The following PCTP variants were observed in gnomAD, a reference collection of about 807,000 sequenced individuals.
The protein encoded by PCTP is START domain-containing protein 2.
PCTP carries 27 observed loss-of-function variants against 31.0 expected under a neutral mutation model. That is an observed-to-expected ratio of 0.87 (90% CI 0.64 to 1.20). PCTP has a LOEUF of 1.20. PCTP is among the 50% of genes most tolerant of loss of function. The pLI, the probability that PCTP is intolerant of heterozygous loss-of-function variation, is 0.00. For missense variants in PCTP, 287 were observed against 268.2 expected, an observed-to-expected ratio of 1.07 and a Z score of -0.49; for synonymous variants, 108 against 101.2, an observed-to-expected ratio of 1.07 and a Z score of -0.40.
chr17:55,767,033 T>G (rs924737048), intron 1 of PCTP, among the ~76,000 whole-genome samples: 1 of 152,256 alleles, frequency 6.6e-6, no homozygotes, highest in African/African-American at 2.4e-5. Context: ...CATTTTTTCA[T>G]GTGTTTTTTG....
At chr17:55,842,742 C>T (rs1394258084) in exon 6 of PCTP, 5 of 152,218 alleles carry the variant, frequency 3.3e-5, no homozygotes, top group Non-Finnish European at 7.3e-5. Context: ...TCAAAATACT[C>T]TTCAGTGGCT....
chr17:55,781,179 C>T (rs2144986380), downstream of PCTP, among the ~76,000 whole-genome samples: 1 of 152,364 alleles, frequency 6.6e-6, no homozygotes, highest in Middle Eastern at 3.4e-3. Context: ...AAATTTCTGA[C>T]TTGTTCCAGT....
intron 3 of PCTP, among the ~76,000 whole-genome samples, chr17:55,807,301 A>C (rs940342735): frequency 6.6e-6 from 1 of 152,186 alleles, no homozygotes; most frequent in African/African-American, 2.4e-5. Flanking sequence ...AAGTGTTTAT[A>C]AAACTAAACA....
At chr17:55,759,951 A>G (rs1910250584) in intron 1 of PCTP, among the ~76,000 whole-genome samples, 1 of 152,242 alleles carries the variant, frequency 6.6e-6, no homozygotes, top group Non-Finnish European at 1.5e-5. Context: ...AATATTTCTC[A>G]GAATACTTTA....
intron 3 of PCTP, among the ~76,000 whole-genome samples, chr17:55,803,190 C>G (rs1235084402): frequency 6.6e-6 from 1 of 152,122 alleles, no homozygotes; most frequent in African/African-American, 2.4e-5. Flanking sequence ...CTACAAACCA[C>G]TGCTCAAGGA....
intron 5 of PCTP, among the ~76,000 whole-genome samples, chr17:55,835,851 T>C (rs918810716): frequency 2.0e-5 from 3 of 152,182 alleles, no homozygotes; most frequent in Admixed American, 6.5e-5. Context: ...TCTGCCTATT[T>C]ACCAGTAATG....
At chr17:55,778,123 C>T (rs974456296), downstream of PCTP, among the ~76,000 whole-genome samples, 9 of 150,400 alleles carry the variant, frequency 6.0e-5, no homozygotes, top group African/African-American at 2.2e-4. Flanking sequence ...AGCATTTTTA[C>T]TTGCTAATTT....
intron 1 of PCTP, among the ~76,000 whole-genome samples, chr17:55,757,359 A>G (rs1910090829): frequency 6.6e-6 from 1 of 151,440 alleles, no homozygotes; most frequent in African/African-American, 2.4e-5. Flanking sequence ...GAAGTTTGAG[A>G]ACCATTCTGC....
chr17:55,771,743 C>T (rs1028236641), intron 3 of PCTP, among the ~76,000 whole-genome samples: 3 of 152,058 alleles, frequency 2.0e-5, no homozygotes, highest in Non-Finnish European at 4.4e-5. Context: ...TGAAATGAAG[C>T]AGTTGAATGA....
rs1911971373 is a variant in PCTP, at chr17:55,791,405, A to G, written c.317+3751A>G. ...GGGAGAAAATTTTCGCAACCTACTCATCTGACAAAGGGCTAATATCCAGAA... is the reference window on the plus strand; with the variant it reads ...GGGAGAAAATTTTCGCAACCTACTCGTCTGACAAAGGGCTAATATCCAGAA... On this transcript the variant is annotated intron_variant, in intron 3 of 3. Transcript: ENST00000572536. Among the ~76,000 whole-genome samples the G allele has an allele frequency of 2.7e-5, 4 of 147,056 alleles. No homozygotes were observed. The South Asian group carries it at 8.9e-4, about 33-fold the overall frequency.
At chr17:55,811,336 C>A (rs769823499) in intron 3 of PCTP, among the ~76,000 whole-genome samples, 1 of 152,190 alleles carries the variant, frequency 6.6e-6, no homozygotes, top group Admixed American at 6.5e-5. Flanking sequence ...TTACTATGTT[C>A]TCTTCCAAGC....
At chr17:55,803,714 A>T (rs1598007819) in intron 3 of PCTP, among the ~76,000 whole-genome samples, 3 of 152,186 alleles carry the variant, frequency 2.0e-5, no homozygotes, top group Admixed American at 2.0e-4. Context: ...TTAACTCAAC[A>T]TGGATTAAAG....
chr17:55,775,238 A>T (rs979760107), intron 5 of PCTP: 43 of 1,255,580 alleles, frequency 3.4e-5, no homozygotes, highest in Non-Finnish European at 4.1e-5. Flanking sequence ...AGACAACCAG[A>T]TGTGTCCAAG....
chr17:55,808,643 C>A (rs1011083046), intron 3 of PCTP, among the ~76,000 whole-genome samples: 1 of 152,162 alleles, frequency 6.6e-6, no homozygotes, highest in Non-Finnish European at 1.5e-5. Context: ...CCTAATCACT[C>A]AGATTAGCAA....
chr17:55,835,636 G>T (rs1905753160), intron 5 of PCTP, among the ~76,000 whole-genome samples: 1 of 152,156 alleles, frequency 6.6e-6, no homozygotes, highest in Non-Finnish European at 1.5e-5. Flanking sequence ...AGAAGAGTTG[G>T]TGATAAAAAC....
downstream of PCTP, among the ~76,000 whole-genome samples, chr17:55,845,924 GTGTA>G (rs1297637755): frequency 4.3e-4 from 63 of 147,306 alleles, no homozygotes; most frequent in African/African-American, 1.1e-3. Context: ...GTGTGTGTGT[GTGTA>G]TGTGTGTGTG....
chr17:55,789,902 C>T (rs1331276858), intron 3 of PCTP, among the ~76,000 whole-genome samples: 1 of 152,110 alleles, frequency 6.6e-6, no homozygotes, highest in Non-Finnish European at 1.5e-5. Flanking sequence ...CAAAAATCCT[C>T]AATAAAATAC....
chr17:55,846,451 G>A (rs1175033026), downstream of PCTP, among the ~76,000 whole-genome samples: 1 of 152,062 alleles, frequency 6.6e-6, no homozygotes, highest in African/African-American at 2.4e-5. Flanking sequence ...AGAGGTGAGC[G>A]CTTTGCAGGA....
Position 55,767,383 on chromosome 17 carries a change from T to C in PCTP, c.190T>C (p.Ser64Pro), listed in dbSNP as rs571875837. 2 of 1,613,614 alleles carry C rather than the reference T, an allele frequency of 1.2e-6. No individual in the cohort carries two copies. Among genetic ancestry groups the C allele is most frequent in the South Asian group, 1.1e-5 (1 of 91,070 alleles). The change falls in exon 2 of 6, where the codon TCA becomes CCA. Residue 64 changes from serine (S) to proline (P), a missense_variant. Coordinates refer to ENST00000268896, the MANE Select transcript of PCTP (RefSeq NM_021213.4). ...YKVFGVLEDC[S>P]PTLLADIYMD... ...AGTCTTTGGTGTTCTGGAGGACTGC[T>C]CACCAACTCTACTGGCAGACATCTA...
Sources: allele counts gnomAD v4.1 joint callset (sites outside exome capture counted in the v4.1 genomes callset), GRCh38; gene constraint gnomAD v4.1.1; transcripts MANE v1.5; gene names NCBI Gene and HGNC (gene_info 2026-07-23, HGNC 2026-07-21).